SEC23B: variants seen among roughly 807,000 people sequenced by gnomAD.
The protein encoded by SEC23B is protein transport protein Sec23B.
A neutral mutation model predicts 104.3 loss-of-function variants in SEC23B; 77 were observed. That is an observed-to-expected ratio of 0.74 (90% CI 0.61 to 0.89). SEC23B has a LOEUF of 0.89. SEC23B is among the 40% of genes least tolerant of loss of function. The pLI is 0.00. For missense variants in SEC23B, 885 were observed against 949.4 expected (o/e 0.93, Z 0.89); for synonymous variants, 338 against 332.5 (o/e 1.02, Z -0.18).
intron 4 of SEC23B, among the ~76,000 whole-genome samples, chr20:18,516,153 C>G (rs2060022472): frequency 6.6e-6 from 1 of 152,264 alleles, no homozygotes; most frequent in South Asian, 2.1e-4. Flanking sequence ...TGCCCTGGGC[C>G]AGCCACTCCT....
At chr20:18,554,795 C>T (rs967543560) in intron 18 of SEC23B, among the ~76,000 whole-genome samples, 6 of 142,238 alleles carry the variant, frequency 4.2e-5, no homozygotes, top group Non-Finnish European at 7.5e-5. Context: ...CCACTGCACT[C>T]CAGCTGGGGC....
At chr20:18,547,044 C>G (rs184670022) in intron 15 of SEC23B, among the ~76,000 whole-genome samples, 1 of 152,056 alleles carries the variant, frequency 6.6e-6, no homozygotes, top group Non-Finnish European at 1.5e-5. Flanking sequence ...CTGGGTCCCA[C>G]CAGAGCCCTC....
intron 11 of SEC23B, 81 bp downstream of exon 11, chr20:18,532,825 T>A (rs2060199140): frequency 1.0e-6 from 1 of 990,518 alleles, no homozygotes; most frequent in Non-Finnish European, 1.6e-6. Flanking sequence ...TGATCTCACA[T>A]GTGTCACCTG....
chr20:18,532,593 A>C lies in SEC23B; in HGVS notation c.1234-71A>C. The stretch of plus-strand genomic sequence containing the variant: ...TGTTATATTTTCCCTCTAAGCTTTC[A>C]TTGTGGCCATGATGACAGCAGGGTG... On this transcript the variant is annotated intron_variant, in intron 10 of 19. Coordinates refer to ENST00000650089, the MANE Select transcript of SEC23B (RefSeq NM_006363.6). The C allele has an allele frequency of 5.6e-6, 6 of 1,072,202 alleles. No homozygotes were observed. The East Asian group carries it at 1.4e-4, about 25-fold the overall frequency. 66.4% of individuals were successfully genotyped at this position (1,072,202 alleles called of 1,614,324 possible).
intron 1 of SEC23B, 75 bp from the exon 2 acceptor site, chr20:18,510,747 A>G: frequency 1.8e-6 from 2 of 1,128,178 alleles, no homozygotes; most frequent in Non-Finnish European, 2.7e-6. Context: ...ACTGTGTTAC[A>G]TGACCCATCT....
At chr20:18,518,582 GT>G (rs57231166) in intron 4 of SEC23B, among the ~76,000 whole-genome samples, 13,991 of 91,452 alleles carry the variant, frequency 0.15, 635 homozygotes, top group East Asian at 0.3. Flanking sequence ...CTGGAAGGAG[GT>G]TTTTTTTTTT....
chr20:18,559,927 G>A (rs762503333), intron 19 of SEC23B, among the ~76,000 whole-genome samples: 2 of 151,982 alleles, frequency 1.3e-5, no homozygotes, highest in African/African-American at 4.8e-5. Flanking sequence ...TTCCTTCCTC[G>A]AAATCCTCTG....
chr20:18,524,846 C>A (rs2060120309), intron 5 of SEC23B, 89 bp from the exon 6 acceptor site: 1 of 1,447,764 alleles, frequency 6.9e-7, no homozygotes, highest in Non-Finnish European at 9.6e-7. Flanking sequence ...GCACATGCCA[C>A]CACACCCAGC....
intron 19 of SEC23B, among the ~76,000 whole-genome samples, chr20:18,558,954 T>C (rs2060466633): frequency 6.6e-6 from 1 of 152,104 alleles, no homozygotes; most frequent in South Asian, 2.1e-4. Context: ...GGTAATCACT[T>C]TGTGTAAGTG....
At chr20:18,552,631 T>A (rs2060398718) in intron 17 of SEC23B, among the ~76,000 whole-genome samples, 1 of 152,124 alleles carries the variant, frequency 6.6e-6, no homozygotes, top group South Asian at 2.1e-4. Flanking sequence ...CTGGCCAACA[T>A]AGCGAAACCC....
intron 11 of SEC23B, among the ~76,000 whole-genome samples, chr20:18,534,538 G>A (rs1354813248): frequency 6.6e-6 from 1 of 152,180 alleles, no homozygotes; most frequent in African/African-American, 2.4e-5. Flanking sequence ...GAGTTAGATC[G>A]CTTGGTGATG....
In SEC23B at chr20:18,542,429, T is replaced by G. The variant is rs764112592; in HGVS notation, c.1511+27T>G. On this transcript the variant is annotated intron_variant, in intron 13 of 19. Coordinates refer to ENST00000650089, the MANE Select transcript of SEC23B (RefSeq NM_006363.6). Reference sequence around the variant, plus strand: ...TAAGCAGCCCCAGTTTCCTTTCTGTTGAGGAACTGACTGACATTTTTCCCT... The same window carrying G: ...TAAGCAGCCCCAGTTTCCTTTCTGTGGAGGAACTGACTGACATTTTTCCCT... 14 of 1,573,314 alleles carry G rather than the reference T, an allele frequency of 8.9e-6. No homozygotes were observed. The East Asian group carries it at 2.9e-4, about 33-fold the overall frequency.
chr20:18,513,754 A>G (rs2060001466), intron 3 of SEC23B, among the ~76,000 whole-genome samples: 1 of 152,192 alleles, frequency 6.6e-6, no homozygotes, highest in Admixed American at 6.5e-5. Flanking sequence ...TCTGCTCCCT[A>G]TTACATTTAG....
intron 8 of SEC23B, among the ~76,000 whole-genome samples, chr20:18,527,250 T>C (rs761056425): frequency 1.2e-4 from 18 of 152,068 alleles, no homozygotes; most frequent in Admixed American, 2.0e-4. Flanking sequence ...AAAAATTTGC[T>C]GGGGATGGTG....
Position 18,526,395 on chromosome 20 carries a change from C to CTTGCTAATCGAA in SEC23B, c.857_858insTTGCTAATCGAA (p.Ala286_Arg287insCysTer). On this transcript the variant is annotated stop_gained and inframe_insertion, in exon 8 of 20. Coordinates refer to ENST00000650089, the MANE Select transcript of SEC23B (RefSeq NM_006363.6). LOFTEE classifies it high-confidence loss of function. ...TAGGGCACTTTTCCAAACACAGGAGCCAGGATCATGCTGTTTACTGGAGGT... is the reference window on the plus strand; with the variant it reads ...TAGGGCACTTTTCCAAACACAGGAGCTTGCTAATCGAACAGGATCATGCTGTTTACTGGAGGT... 6.2e-7 allele frequency: 1 copy of CTTGCTAATCGAA among 1,614,140 alleles called. No homozygotes were observed. The highest frequency in any genetic ancestry group is 8.5e-7 in the Non-Finnish European group (1 of 1,179,998).
At chr20:18,522,575 C>T (rs772636608) in intron 4 of SEC23B, among the ~76,000 whole-genome samples, 6 of 152,140 alleles carry the variant, frequency 3.9e-5, no homozygotes, top group Non-Finnish European at 7.3e-5. Flanking sequence ...GATCTCTTCA[C>T]GGGGTGAGGG....
intron 12 of SEC23B, among the ~76,000 whole-genome samples, chr20:18,541,797 C>T (rs1341690200): frequency 6.6e-6 from 1 of 152,170 alleles, no homozygotes; most frequent in African/African-American, 2.4e-5. Flanking sequence ...AATTACTGAA[C>T]TGTGACACAG....
Position 18,527,498 on chromosome 20 carries a change from C to G in SEC23B, c.996C>G (p.His332Gln). 1 of 1,584,898 alleles carries G rather than the reference C, an allele frequency of 6.3e-7. No individual in the cohort carries two copies. The highest frequency in any genetic ancestry group is 8.7e-7 in the Non-Finnish European group (1 of 1,153,308). Reference protein sequence around the residue: ...NARFMKKATKHYEMLANRTAA... With the variant: ...NARFMKKATKQYEMLANRTAA... ...AGATAGCTTTCCTCTCTTCACAGCA[C>G]TATGAGATGCTTGCTAATCGAACAG... Residue 332 changes from histidine to glutamine, a missense_variant and splice_region_variant, in exon 9 of 20, where the codon CAC becomes CAG. Transcript: ENST00000650089.
intron 17 of SEC23B, among the ~76,000 whole-genome samples, chr20:18,551,575 G>A (rs934421335): frequency 1.2e-4 from 18 of 152,012 alleles, no homozygotes; most frequent in Admixed American, 5.3e-4. Flanking sequence ...TTAGCCAGGC[G>A]TGGTGGCACA....
Sources: allele counts gnomAD v4.1 joint callset (sites outside exome capture counted in the v4.1 genomes callset), GRCh38; gene constraint gnomAD v4.1.1; transcripts MANE v1.5; gene names NCBI Gene and HGNC (gene_info 2026-07-23, HGNC 2026-07-21).